The following SCGB1D1 variants were observed in gnomAD, a reference collection of about 807,000 sequenced individuals.
SCGB1D1 encodes secretoglobin family 1D member 1.
A neutral mutation model predicts 8.3 loss-of-function variants in SCGB1D1; 10 were observed. That is an observed-to-expected ratio of 1.21 (90% confidence interval 0.74 to 2.05). The LOEUF (loss-of-function observed/expected upper bound fraction) is 2.05. Ranked by LOEUF, SCGB1D1 falls within the 30% of genes most tolerant of loss-of-function variation. SCGB1D1 has a pLI of 0.00. For synonymous variants in SCGB1D1, 46 were observed against 41.7 expected (o/e 1.10, Z -0.39); for missense variants, 94 against 105.1 (o/e 0.89, Z 0.46).
Position 62,191,170 on chromosome 11 carries a change from TC to T in SCGB1D1, c.55+834del, listed in dbSNP as rs534474481. Among the ~76,000 whole-genome samples, 242 of 152,274 alleles carry T rather than the reference TC, an allele frequency of 1.6e-3. 1 individual carries two copies. Among genetic ancestry groups the T allele is most frequent in the African/African-American group, 5.5e-3 (228 of 41,550 alleles). ...TCTTTCCTCTTCTTTTCTGAACCTCTCCCTGTTTCCCTGTGACACCCCGATC... is the reference window on the plus strand; with the variant it reads ...TCTTTCCTCTTCTTTTCTGAACCTCTCCTGTTTCCCTGTGACACCCCGATC... On this transcript the variant is annotated intron_variant, in intron 1 of 2. Transcript: ENST00000306238.
At chr11:62,191,535 A>T (rs897463586) in intron 1 of SCGB1D1, among the ~76,000 whole-genome samples, 3 of 152,202 alleles carry the variant, frequency 2.0e-5, no homozygotes, top group Non-Finnish European at 4.4e-5. Flanking sequence ...GTCTGTATTG[A>T]ATCACATAAG....
At chr11:62,193,066 C>T (rs1381420749) in intron 2 of SCGB1D1, among the ~76,000 whole-genome samples, 1 of 152,218 alleles carries the variant, frequency 6.6e-6, no homozygotes, top group Non-Finnish European at 1.5e-5. Flanking sequence ...GCCCTCCCAG[C>T]CCTGACCAAC....
At chr11:62,191,178 T>G (rs1944675331) in intron 1 of SCGB1D1, among the ~76,000 whole-genome samples, 1 of 152,136 alleles carries the variant, frequency 6.6e-6, no homozygotes, top group African/African-American at 2.4e-5. Context: ...TCTCCCTGTT[T>G]CCCTGTGACA....
At chr11:62,191,101 ACTTTC>A (rs1944674640) in intron 1 of SCGB1D1, among the ~76,000 whole-genome samples, 1 of 152,070 alleles carries the variant, frequency 6.6e-6, no homozygotes, top group African/African-American at 2.4e-5. Context: ...TCATTTGGGT[ACTTTC>A]CTTTCCCCTG....
In SCGB1D1 at chr11:62,192,117, A is replaced by G. The variant is rs775729359; in HGVS notation, c.117A>G (p.Lys39=). ...SEITGFLLAG[K]PVFKFQLAKF... ...TCACAGGCTTCTTATTAGCTGGAAA[A>G]CCTGTGTTCAAGTTCCAACTTGCCA... The change falls in exon 2 of 3, where the codon AAA becomes AAG. Residue 39 remains lysine, a synonymous_variant. Transcript: ENST00000306238. 34 of 1,613,154 alleles carry G rather than the reference A, an allele frequency of 2.1e-5. No homozygotes were observed. Among genetic ancestry groups the G allele is most frequent in the Non-Finnish European group, 2.8e-5 (33 of 1,179,364 alleles).
chr11:62,193,164 G>T (rs1944692372), intron 2 of SCGB1D1, among the ~76,000 whole-genome samples: 1 of 152,142 alleles, frequency 6.6e-6, no homozygotes. Context: ...GCTCTGCTCT[G>T]TCCCCCCTCT....
At position 62,192,379 on chromosome 11, in the gene SCGB1D1, C is replaced by T. The variant is rs1035078181; in HGVS notation, c.243+136C>T. On this transcript the variant is annotated intron_variant, in intron 2 of 2. Coordinates refer to ENST00000306238, the MANE Select transcript of SCGB1D1 (RefSeq NM_006552.2). ...TACTGGTCACCGCTTGAGAAGGTCA[C>T]CTGGGACCACAGGGTGGGTGCTACC... 7.2e-5 allele frequency: 51 copies of T among 708,164 alleles called. No individual in the cohort carries two copies. The African/African-American group carries it at 8.1e-4, about 11-fold the overall frequency. 43.9% of individuals were successfully genotyped at this position (708,164 alleles called of 1,614,324 possible). A position where few individuals can be genotyped will look rare whatever the true frequency, so the allele number is the denominator to read the frequency against.
At chr11:62,190,437 A>C in intron 1 of SCGB1D1, 98 bp downstream of exon 1, 1 of 1,482,322 alleles carries the variant, frequency 6.7e-7, no homozygotes, top group South Asian at 1.2e-5. Context: ...GTCTGGAACA[A>C]ACCAAAATTC....
chr11:62,193,397 A>G lies in SCGB1D1; in HGVS notation c.244-2A>G, dbSNP rs1242473376. 1.2e-6 allele frequency: 2 copies of G among 1,612,126 alleles called. No individual in the cohort carries two copies. The highest frequency in any genetic ancestry group is 1.7e-6 in the Non-Finnish European group (2 of 1,179,198). ...CTTCCTTTCTTTCCTTTTCTATTTC[A>G]GGGAAAAATAGCAGAGAAATGTGAT... On this transcript the variant is annotated splice_acceptor_variant, in intron 2 of 2. Transcript: ENST00000306238. LOFTEE classifies it high-confidence loss of function.
At chr11:62,193,276 T>G in intron 2 of SCGB1D1, 123 bp from the exon 3 acceptor site, 2 of 801,450 alleles carry the variant, frequency 2.5e-6, no homozygotes, top group Non-Finnish European at 4.0e-6. Flanking sequence ...CACACTGGGT[T>G]CCTGCCTCTA....
chr11:62,191,033 T>C (rs961944268), intron 1 of SCGB1D1, among the ~76,000 whole-genome samples: 3 of 152,320 alleles, frequency 2.0e-5, no homozygotes, highest in South Asian at 4.1e-4. Context: ...AATACTACAA[T>C]GGTTAGCCTC....
intron 1 of SCGB1D1, among the ~76,000 whole-genome samples, chr11:62,191,194 A>T (rs1392802035): frequency 6.6e-6 from 1 of 151,982 alleles, no homozygotes; most frequent in Non-Finnish European, 1.5e-5. Context: ...TGACACCCCG[A>T]TCCTACCCTC....
At chr11:62,192,831 C>T (rs1374294951) in intron 2 of SCGB1D1, among the ~76,000 whole-genome samples, 1 of 152,230 alleles carries the variant, frequency 6.6e-6, no homozygotes, top group Non-Finnish European at 1.5e-5. Flanking sequence ...CCTCGCTACT[C>T]TACCTCCTGC....
Position 62,190,344 on chromosome 11 carries a change from G to C in SCGB1D1, c.55+5G>C, listed in dbSNP as rs779625378. 1 of 1,614,166 alleles carries C rather than the reference G, an allele frequency of 6.2e-7. No individual in the cohort carries two copies. The highest frequency in any genetic ancestry group is 1.1e-5 in the South Asian group (1 of 91,084). ...TGGCCCTTTGCTGCTACCGGGGTGA[G>C]TACATCAGTCATGAGTCCAGCACCA... On this transcript the variant is annotated splice_donor_5th_base_variant and intron_variant, in intron 1 of 2. Coordinates refer to ENST00000306238, the MANE Select transcript of SCGB1D1 (RefSeq NM_006552.2).
At chr11:62,190,361 C>T (rs765598766) in intron 1 of SCGB1D1, 22 bp downstream of exon 1, 10 of 1,613,922 alleles carry the variant, frequency 6.2e-6, no homozygotes, top group East Asian at 2.2e-5. Flanking sequence ...AGTCATGAGT[C>T]CAGCACCAGC....
chr11:62,190,392 T>C, intron 1 of SCGB1D1, 53 bp downstream of exon 1: 1 of 1,609,256 alleles, frequency 6.2e-7, no homozygotes, highest in Non-Finnish European at 8.5e-7. Context: ...CACCCTTCTC[T>C]GAGCACGAGG....
rs1051396853 is a variant in SCGB1D1 at position 62,191,998 on chromosome 11, G to C, written c.56-58G>C. ...TTCCTGTCTGGTCTGACATCAGGGA[G>C]GCATGGGAGAAACACTGATTTCCTT... On this transcript the variant is annotated intron_variant, in intron 1 of 2. Coordinates refer to ENST00000306238, the MANE Select transcript of SCGB1D1 (RefSeq NM_006552.2). The C allele has an allele frequency of 3.4e-6, 5 of 1,454,978 alleles. No homozygotes were observed. The African/African-American group carries it at 7.1e-5, about 21-fold the overall frequency. The allele number at this position is 1,454,978 out of a possible 1,614,324, so 90.1% of individuals were successfully genotyped here. A position where few individuals can be genotyped will look rare whatever the true frequency, so the allele number is the denominator to read the frequency against.
chr11:62,192,037 T>G lies in SCGB1D1; in HGVS notation c.56-19T>G. On this transcript the variant is annotated intron_variant, in intron 1 of 2. Transcript: ENST00000306238. ...ACTGATTTCCTTACACAAATTATAT[T>G]TTTATTCTTTTGCTCCAGCAAATGC... is the stretch of plus-strand genomic sequence containing the variant. 6.3e-7 allele frequency: 1 copy of G among 1,579,088 alleles called. No individual in the cohort carries two copies.
intron 1 of SCGB1D1, among the ~76,000 whole-genome samples, chr11:62,190,554 C>A (rs542378571): frequency 6.6e-6 from 1 of 152,124 alleles, no homozygotes; most frequent in Non-Finnish European, 1.5e-5. Context: ...TGCAGGCGAA[C>A]GTTAGGAATT....
Sources: gnomAD v4.1 joint callset for allele counts (sites outside exome capture counted in the v4.1 genomes callset) on GRCh38, gnomAD v4.1.1 for gene constraint, MANE v1.5 for transcripts, NCBI Gene and HGNC (gene_info 2026-07-23, HGNC 2026-07-21) for gene names.